Variants in PITPNC1 observed in about 807,000 individuals in gnomAD.
PITPNC1 encodes the protein cytoplasmic phosphatidylinositol transfer protein 1.
In PITPNC1, 18 loss-of-function variants were observed where a neutral mutation model predicts 44.7. The observed-to-expected ratio is 0.40, with a 90% CI of 0.28 to 0.60. PITPNC1 has a LOEUF of 0.60. PITPNC1 is among the 20% of genes least tolerant of loss of function. PITPNC1 has a pLI of 0.39. For missense variants in PITPNC1, 290 were observed against 418.4 expected (o/e 0.69, Z 2.68); for synonymous variants, 141 against 149.6 (o/e 0.94, Z 0.42).
intron 8 of PITPNC1, chr17:67,686,957 C>CT (rs2042827003): frequency 1.5e-6 from 1 of 672,248 alleles, no homozygotes; most frequent in Non-Finnish European, 2.7e-6. Flanking sequence ...CAAGTCTCTG[C>CT]TTTTTTAAAC....
chr17:67,549,692 T>G (rs921401323), intron 2 of PITPNC1, among the ~76,000 whole-genome samples: 1 of 152,140 alleles, frequency 6.6e-6, no homozygotes, highest in Non-Finnish European at 1.5e-5. Flanking sequence ...AGGAGGTACT[T>G]GGGCCCCGGA....
At chr17:67,578,379 T>C in intron 5 of PITPNC1, 122 bp downstream of exon 5, 1 of 684,916 alleles carries the variant, frequency 1.5e-6, no homozygotes, top group Non-Finnish European at 2.6e-6. Flanking sequence ...TCAGAGATGT[T>C]CTGGCCTTTG....
At chr17:67,668,809 C>CGTGAG (rs2042464466) in intron 6 of PITPNC1, among the ~76,000 whole-genome samples, 3 of 151,642 alleles carry the variant, frequency 2.0e-5, no homozygotes, top group Non-Finnish European at 4.4e-5. Flanking sequence ...TTGCAGTGAG[C>CGTGAG]CGAGATCGCA....
intron 5 of PITPNC1, among the ~76,000 whole-genome samples, chr17:67,619,220 T>C (rs1055192187): frequency 6.6e-6 from 1 of 152,196 alleles, no homozygotes; most frequent in Non-Finnish European, 1.5e-5. Context: ...CCACCACTTA[T>C]TTCTGTGTGC....
At chr17:67,472,331 C>T (rs2039549359) in intron 1 of PITPNC1, among the ~76,000 whole-genome samples, 1 of 24,730 alleles carries the variant, frequency 4.0e-5, no homozygotes, top group Admixed American at 7.1e-4. Context: ...AGCTGTTGAG[C>T]TAAAAAAAAA....
rs1567984756 is a variant in PITPNC1 at position 67,425,204 on chromosome 17, CA to C, written c.48+47003del. Among the ~76,000 whole-genome samples, 58 of 10,734 alleles carry C rather than the reference CA, an allele frequency of 5.4e-3. 3 individuals carry two copies. The highest frequency in any genetic ancestry group is 0.029 in the African/African-American group (55 of 1,888). 7.0% of individuals were successfully genotyped at this position (10,734 alleles called of 152,430 possible). A position where few individuals can be genotyped will look rare whatever the true frequency, so the allele number is the denominator to read the frequency against. ...CATGTTGTGCGCGCGCACGCACACG[CA>C]CACACACACACACACACACACACAC... On this transcript the variant is annotated intron_variant, in intron 1 of 8. Coordinates refer to ENST00000581322, the MANE Select transcript of PITPNC1 (RefSeq NM_012417.4).
At chr17:67,606,157 G>A (rs1270933623) in intron 5 of PITPNC1, among the ~76,000 whole-genome samples, 4 of 152,258 alleles carry the variant, frequency 2.6e-5, no homozygotes, top group African/African-American at 9.6e-5. Flanking sequence ...GGTGATAAGC[G>A]AGGGAATTAT....
intron 1 of PITPNC1, among the ~76,000 whole-genome samples, chr17:67,389,831 C>G (rs1441169957): frequency 3.3e-5 from 5 of 152,090 alleles, no homozygotes; most frequent in African/African-American, 1.2e-4. Context: ...AGGCACGTGC[C>G]ACCACGCCCG....
chr17:67,646,119 T>C (rs972874160), intron 6 of PITPNC1, among the ~76,000 whole-genome samples: 6 of 152,212 alleles, frequency 3.9e-5, no homozygotes, highest in African/African-American at 1.4e-4. Flanking sequence ...AGTGAGACTC[T>C]GTCTGAAAAC....
chr17:67,494,573 G>T (rs574891405), intron 1 of PITPNC1, among the ~76,000 whole-genome samples: 1 of 152,144 alleles, frequency 6.6e-6, no homozygotes, highest in Non-Finnish European at 1.5e-5. Flanking sequence ...ATCCCCAGTG[G>T]TTTTGCTTGC....
chr17:67,380,947 A>G (rs2037949056), intron 1 of PITPNC1, among the ~76,000 whole-genome samples: 1 of 151,834 alleles, frequency 6.6e-6, no homozygotes, highest in African/African-American at 2.4e-5. Flanking sequence ...TAATTTTTTT[A>G]CTTTTTGTAG....
chr17:67,651,494 C>T (rs1464700459), intron 6 of PITPNC1, among the ~76,000 whole-genome samples: 1 of 150,590 alleles, frequency 6.6e-6, no homozygotes, highest in Non-Finnish European at 1.5e-5. Context: ...GCCCAGGTGA[C>T]AGAATGAGAC....
intron 2 of PITPNC1, among the ~76,000 whole-genome samples, chr17:67,544,594 G>A (rs1344973282): frequency 6.6e-6 from 1 of 152,250 alleles, no homozygotes; most frequent in Non-Finnish European, 1.5e-5. Context: ...TGATTTTCAG[G>A]GAGAGAACAT....
intron 1 of PITPNC1, among the ~76,000 whole-genome samples, chr17:67,521,805 A>G (rs2040328584): frequency 6.6e-6 from 1 of 152,154 alleles, no homozygotes; most frequent in Non-Finnish European, 1.5e-5. Context: ...GCAACTGGAG[A>G]CGGTCGACTG....
chr17:67,687,095 G>A (rs778542182), intron 8 of PITPNC1: 5 of 1,610,930 alleles, frequency 3.1e-6, no homozygotes, highest in South Asian at 1.1e-5. Flanking sequence ...TCGGGAATAC[G>A]AGAAAAACAT....
chr17:67,454,042 G>A (rs1263145206), intron 1 of PITPNC1, among the ~76,000 whole-genome samples: 8 of 152,158 alleles, frequency 5.3e-5, no homozygotes, highest in Non-Finnish European at 1.2e-4. Flanking sequence ...CCTGAGGTCA[G>A]GAGTTGGAGA....
chr17:67,648,785 C>T (rs1361556359), intron 6 of PITPNC1, among the ~76,000 whole-genome samples: 1 of 152,138 alleles, frequency 6.6e-6, no homozygotes, highest in East Asian at 1.9e-4. Context: ...TGGGAGTATA[C>T]TTCTTGCCTC....
At chr17:67,509,471 A>C (rs1375632985) in intron 1 of PITPNC1, among the ~76,000 whole-genome samples, 3 of 151,932 alleles carry the variant, frequency 2.0e-5, no homozygotes, top group Non-Finnish European at 4.4e-5. Flanking sequence ...CAGGAGGTGG[A>C]GGTTGCAGTG....
At chr17:67,686,974 G>A in intron 8 of PITPNC1, 1 of 738,070 alleles carries the variant, frequency 1.4e-6, no homozygotes, top group South Asian at 1.6e-5. Flanking sequence ...AAACCTCCTT[G>A]GCTACTGCTC....
Sources: allele counts gnomAD v4.1 joint callset (sites outside exome capture counted in the v4.1 genomes callset), GRCh38; gene constraint gnomAD v4.1.1; transcripts MANE v1.5; gene names NCBI Gene and HGNC (gene_info 2026-07-23, HGNC 2026-07-21).